ACSM3: variants seen among roughly 807,000 people sequenced by gnomAD.
ACSM3 encodes the protein acyl-CoA synthetase medium chain family member 3, also known as acyl-coenzyme A synthetase ACSM3, mitochondrial.
Under a neutral mutation model 74.1 loss-of-function variants are expected in ACSM3, and 61 were observed. The ratio of observed to expected loss-of-function variants is 0.82; its 90% CI spans 0.67 to 1.02. The LOEUF (loss-of-function observed/expected upper bound fraction) is 1.02, where lower values mean the gene tolerates loss of function less well. Ranked by LOEUF, ACSM3 falls within the 50% of genes least tolerant of loss-of-function variation. The pLI is 0.00. For synonymous variants in ACSM3, 213 were observed against 241.5 expected, an observed-to-expected ratio of 0.88 and a Z score of 1.09; for missense variants, 660 against 697.0, an observed-to-expected ratio of 0.95 and a Z score of 0.60.
chr16:20,738,530 C>CA (rs1045222696), intron 1 of ACSM3, among the ~76,000 whole-genome samples: 1 of 151,960 alleles, frequency 6.6e-6, no homozygotes, highest in African/African-American at 2.4e-5. Flanking sequence ...CACTGAAAAA[C>CA]AAAAAAACTC....
chr16:20,796,836 T>C (rs947140023), intron 13 of ACSM3, 50 bp from the exon 14 acceptor site: 3 of 1,605,706 alleles, frequency 1.9e-6, no homozygotes, highest in East Asian at 2.2e-5. Context: ...ATTGGCTTTA[T>C]GTAAAGATAA....
At chr16:20,763,338 A>G (rs1349648715), upstream of ACSM3, among the ~76,000 whole-genome samples, 2 of 152,238 alleles carry the variant, frequency 1.3e-5, no homozygotes, top group Non-Finnish European at 2.9e-5. Context: ...ACCTCAGAAA[A>G]TGAGGAATTT....
intron 1 of ACSM3, among the ~76,000 whole-genome samples, chr16:20,723,500 A>C (rs947249606): frequency 6.6e-6 from 1 of 152,202 alleles, no homozygotes; most frequent in South Asian, 2.1e-4. Context: ...AGTCCCACCA[A>C]CAGTGTAAAA....
intron 1 of ACSM3, among the ~76,000 whole-genome samples, chr16:20,726,127 T>C (rs1038305653): frequency 6.6e-6 from 1 of 152,054 alleles, no homozygotes; most frequent in Non-Finnish European, 1.5e-5. Flanking sequence ...CTCAAAAAAT[T>C]TATCCTCTAG....
intron 2 of ACSM3, among the ~76,000 whole-genome samples, chr16:20,750,766 T>C (rs2079983016): frequency 6.6e-6 from 1 of 151,954 alleles, no homozygotes; most frequent in Admixed American, 6.6e-5. Flanking sequence ...ATAGAGATTA[T>C]AAACACTGTG....
At chr16:20,741,374 G>A in intron 1 of ACSM3, 1 of 1,141,468 alleles carries the variant, frequency 8.8e-7, no homozygotes, top group Non-Finnish European at 1.2e-6. Flanking sequence ...CGGAAACGCC[G>A]GCGAGGCCAC....
chr16:20,742,598 G>A (rs376876888), intron 1 of ACSM3, among the ~76,000 whole-genome samples: 2 of 149,942 alleles, frequency 1.3e-5, no homozygotes, highest in Non-Finnish European at 3.0e-5. Context: ...AGCCGAGATC[G>A]TGCCATTGCA....
At position 20,755,402 on chromosome 16, in the gene ACSM3, G is replaced by A. The variant is rs1037252737; in HGVS notation, c.-95-171G>A. 3.3e-5 allele frequency among the ~76,000 whole-genome samples: 5 copies of A among 152,004 alleles called. No individual in the cohort carries two copies. The East Asian group carries it at 5.8e-4, about 18-fold the overall frequency. On this transcript the variant is annotated intron_variant, in intron 2 of 3. Coordinates refer to the ACSM3 transcript ENST00000561584. Reference sequence around the variant, plus strand: ...GTAGCCTTGATAAAAATGCTTCAGTGAACAATTAGGTATGCTTGAAATAAA... The same window carrying A: ...GTAGCCTTGATAAAAATGCTTCAGTAAACAATTAGGTATGCTTGAAATAAA...
chr16:20,684,368 T>C (rs1040465472), intron 1 of ACSM3, among the ~76,000 whole-genome samples: 1 of 152,200 alleles, frequency 6.6e-6, no homozygotes, highest in South Asian at 2.1e-4. Context: ...AAATTGTGCC[T>C]TTGTAAAGGA....
chr16:20,731,648 C>A, intron 1 of ACSM3: 1 of 375,526 alleles, frequency 2.7e-6, no homozygotes, highest in Non-Finnish European at 4.8e-6. Flanking sequence ...GTCTTAGCTC[C>A]ATCCTGTAAG....
intron 1 of ACSM3, among the ~76,000 whole-genome samples, chr16:20,710,620 C>A (rs1423551398): frequency 2.6e-5 from 4 of 152,102 alleles, no homozygotes; most frequent in African/African-American, 9.7e-5. Flanking sequence ...ACTGGGATTA[C>A]AGGTGTGAGC....
intron 7 of ACSM3, among the ~76,000 whole-genome samples, chr16:20,783,894 G>A (rs943512616): frequency 2.6e-5 from 4 of 151,086 alleles, no homozygotes; most frequent in East Asian, 1.9e-4. Context: ...TGCAACCTCC[G>A]CCTCCTGTTC....
At chr16:20,713,207 G>T (rs1167717419) in intron 1 of ACSM3, among the ~76,000 whole-genome samples, 1 of 152,028 alleles carries the variant, frequency 6.6e-6, no homozygotes, top group East Asian at 1.9e-4. Context: ...AATCAAATGT[G>T]ATAAAACATG....
chr16:20,733,210 T>A (rs988393780), intron 1 of ACSM3, among the ~76,000 whole-genome samples: 1 of 152,192 alleles, frequency 6.6e-6, no homozygotes, highest in Non-Finnish European at 1.5e-5. Context: ...TGGTTTCTAG[T>A]GTTTAAAATT....
chr16:20,723,805 A>G (rs1596485524), intron 1 of ACSM3, among the ~76,000 whole-genome samples: 1 of 152,224 alleles, frequency 6.6e-6, no homozygotes, highest in Middle Eastern at 3.4e-3. Context: ...AGTAGGTTGC[A>G]AAAATTTTCT....
At chr16:20,770,727 C>G (rs946181137) in intron 2 of ACSM3, among the ~76,000 whole-genome samples, 2 of 151,884 alleles carry the variant, frequency 1.3e-5, no homozygotes, top group African/African-American at 2.4e-5. Flanking sequence ...AAATAAGGAC[C>G]CCAAAGTTAT....
chr16:20,735,503 T>C (rs1320923309), intron 1 of ACSM3: 1 of 151,954 alleles, frequency 6.6e-6, no homozygotes, highest in African/African-American at 2.4e-5. Flanking sequence ...GAGAAAGCAG[T>C]GTGCTATAAT....
intron 1 of ACSM3, among the ~76,000 whole-genome samples, chr16:20,745,616 C>A (rs553176793): frequency 6.6e-6 from 1 of 150,726 alleles, no homozygotes; most frequent in East Asian, 1.9e-4. Flanking sequence ...TAAATAGAGA[C>A]CACTTGGCAC....
chr16:20,761,372 G>A (rs1417752716), upstream of ACSM3, among the ~76,000 whole-genome samples: 1 of 152,154 alleles, frequency 6.6e-6, no homozygotes, highest in Admixed American at 6.5e-5. Flanking sequence ...CCTTAACCAT[G>A]GCAAAATAAA....
Sources: gnomAD v4.1 joint callset for allele counts (sites outside exome capture counted in the v4.1 genomes callset) on GRCh38, gnomAD v4.1.1 for gene constraint, MANE v1.5 for transcripts, NCBI Gene and HGNC (gene_info 2026-07-23, HGNC 2026-07-21) for gene names.